Variants in NDUFA9 observed in about 807,000 individuals in gnomAD.
NDUFA9 encodes the protein NADH dehydrogenase [ubiquinone] 1 alpha subcomplex subunit 9, mitochondrial.
Under a neutral mutation model 45.9 loss-of-function variants are expected in NDUFA9, and 23 were observed. The ratio of observed to expected loss-of-function variants is 0.50; its 90% CI spans 0.36 to 0.71. NDUFA9 has a LOEUF of 0.71. NDUFA9 is among the 30% of genes least tolerant of loss of function. The pLI, the probability that NDUFA9 is intolerant of heterozygous loss-of-function variation, is 0.00. For missense variants in NDUFA9, 466 were observed against 488.2 expected, an observed-to-expected ratio of 0.95 and a Z score of 0.43; for synonymous variants, 176 against 170.5, an observed-to-expected ratio of 1.03 and a Z score of -0.25.
At chr12:4,669,907 C>T in intron 8 of NDUFA9, 90 bp downstream of exon 8, 1 of 979,118 alleles carries the variant, frequency 1.0e-6, no homozygotes. Context: ...ATTTGTTGCA[C>T]TTTTACAATA....
chr12:4,668,420 G>A (rs779980094), intron 6 of NDUFA9, 37 bp from the exon 7 acceptor site: 1 of 1,519,604 alleles, frequency 6.6e-7, no homozygotes, highest in Non-Finnish European at 9.1e-7. Context: ...AGCAATTTAA[G>A]CCTTCTCAGT....
intron 8 of NDUFA9, among the ~76,000 whole-genome samples, chr12:4,672,496 G>T (rs1228401381): frequency 6.6e-6 from 1 of 152,206 alleles, no homozygotes; most frequent in Admixed American, 6.5e-5. Flanking sequence ...TGAAATTCTC[G>T]CTCCTAGCTC....
At chr12:4,683,524 C>A (rs1451481977) in intron 9 of NDUFA9, among the ~76,000 whole-genome samples, 1 of 152,196 alleles carries the variant, frequency 6.6e-6, no homozygotes, top group Non-Finnish European at 1.5e-5. Context: ...TATGGTCTAA[C>A]AGGGGTACCA....
intron 2 of NDUFA9, 55 bp from the exon 3 acceptor site, chr12:4,654,770 T>G: frequency 7.6e-7 from 1 of 1,307,838 alleles, no homozygotes; most frequent in Non-Finnish European, 1.1e-6. Flanking sequence ...CACAATTGTA[T>G]AATATATCCA....
At position 4,682,272 on chromosome 12, in the gene NDUFA9, C is replaced by T. The variant is rs1312064827; in HGVS notation, c.868C>T (p.Pro290Ser). Reference sequence around the variant, plus strand: ...TGCTGTGGCTCACAGATTGTTCCTCCCATTCCCCTTGCCGCTTTTTGCCTA... The same window carrying T: ...TGCTGTGGCTCACAGATTGTTCCTCTCATTCCCCTTGCCGCTTTTTGCCTA... Reference protein sequence around the residue: ...IFAVAHRLFLPFPLPLFAYRW... With the variant: ...IFAVAHRLFLSFPLPLFAYRW... The change falls in exon 9 of 11, where the codon CCA (proline) becomes TCA (serine). Residue 290 changes from proline (P) to serine (S), a missense_variant. By Grantham distance (74) the Pro-to-Ser change is moderately conservative. Coordinates refer to ENST00000266544, the MANE Select transcript of NDUFA9 (RefSeq NM_005002.5). The T allele has an allele frequency of 6.2e-7, 1 of 1,613,074 alleles. No homozygotes were observed. Among genetic ancestry groups the T allele is most frequent in the Non-Finnish European group, 8.5e-7 (1 of 1,179,450 alleles).
At chr12:4,649,303 G>C in intron 1 of NDUFA9, 128 bp downstream of exon 1, 1 of 1,091,888 alleles carries the variant, frequency 9.2e-7, no homozygotes, top group Admixed American at 2.1e-5. Flanking sequence ...TCTAGGTTTG[G>C]AGCTGCCTCA....
chr12:4,682,147 T>C, intron 8 of NDUFA9, 58 bp from the exon 9 acceptor site: 1 of 1,291,284 alleles, frequency 7.7e-7, no homozygotes, highest in Non-Finnish European at 1.1e-6. Flanking sequence ...TATTTTGTTA[T>C]AAAGGAAACT....
At chr12:4,664,962 G>A (rs1945844791) in intron 6 of NDUFA9, among the ~76,000 whole-genome samples, 1 of 152,140 alleles carries the variant, frequency 6.6e-6, no homozygotes, top group African/African-American at 2.4e-5. Flanking sequence ...TCTCACGGCT[G>A]TATTTTGGAA....
At chr12:4,676,628 G>T (rs1438272865) in intron 8 of NDUFA9, among the ~76,000 whole-genome samples, 2 of 152,128 alleles carry the variant, frequency 1.3e-5, no homozygotes, top group African/African-American at 2.4e-5. Flanking sequence ...ACCAACCACT[G>T]CTCAAGTAAA....
chr12:4,686,894 C>G, intron 10 of NDUFA9, 44 bp from the exon 11 acceptor site: 1 of 1,586,128 alleles, frequency 6.3e-7, no homozygotes, highest in Non-Finnish European at 8.6e-7. Flanking sequence ...ACTTTGTTCT[C>G]AGCCAGTTTT....
intron 6 of NDUFA9, among the ~76,000 whole-genome samples, chr12:4,663,833 G>C (rs1442639584): frequency 6.6e-6 from 1 of 152,170 alleles, no homozygotes; most frequent in Admixed American, 6.5e-5. Context: ...GGCTAGAAGA[G>C]TTTTGAGGTA....
chr12:4,685,170 G>A (rs979789135), intron 9 of NDUFA9, 89 bp from the exon 10 acceptor site: 10 of 1,108,090 alleles, frequency 9.0e-6, no homozygotes, highest in South Asian at 5.0e-5. Flanking sequence ...GCTCTACAGC[G>A]GTCTGTCTTC....
At chr12:4,649,313 A>T in intron 1 of NDUFA9, 138 bp downstream of exon 1, 1 of 999,608 alleles carries the variant, frequency 1.0e-6, no homozygotes, top group African/African-American at 1.6e-5. Context: ...GAGCTGCCTC[A>T]GTCTGGTTTC....
chr12:4,654,867 A>G lies in NDUFA9; in HGVS notation c.263A>G (p.Lys88Arg). The G allele has an allele frequency of 6.2e-7, 1 of 1,614,074 alleles. No individual in the cohort carries two copies. The highest frequency in any genetic ancestry group is 8.5e-7 in the Non-Finnish European group (1 of 1,179,966). Residue 88 changes from lysine (K) to arginine (R), a missense_variant, in exon 3 of 11, where the codon AAA (lysine) becomes AGA (arginine). By Grantham distance (26) the Lys-to-Arg change is conservative. Coordinates refer to ENST00000266544, the MANE Select transcript of NDUFA9 (RefSeq NM_005002.5). ...GTAATCATACCCTATCGGTGTGATA[A>G]ATATGACATCATGCACCTTCGTCCC... is the stretch of plus-strand genomic sequence containing the variant. ...SQVIIPYRCD[K>R]YDIMHLRPMG...
chr12:4,650,335 A>G (rs965836669), intron 1 of NDUFA9, among the ~76,000 whole-genome samples: 2 of 152,152 alleles, frequency 1.3e-5, no homozygotes, highest in Admixed American at 1.3e-4. Context: ...TTGTAGTCAC[A>G]ATGTCTTTGC....
intron 6 of NDUFA9, among the ~76,000 whole-genome samples, chr12:4,664,532 C>T (rs181540330): frequency 1.3e-5 from 2 of 152,366 alleles, no homozygotes; most frequent in East Asian, 3.9e-4. Flanking sequence ...TCAGTTTAAA[C>T]ACCACATGGC....
intron 7 of NDUFA9, 144 bp downstream of exon 7, chr12:4,668,668 A>C (rs1397371642): frequency 1.4e-6 from 1 of 723,876 alleles, no homozygotes; most frequent in East Asian, 2.6e-5. Context: ...TAGTTTACTT[A>C]AGAGGTACAT....
intron 9 of NDUFA9, chr12:4,684,858 A>G (rs1468221715): frequency 1.1e-5 from 5 of 451,396 alleles, no homozygotes; most frequent in Admixed American, 3.6e-5. Context: ...TACGTTGTAT[A>G]TTTTACACAC....
At chr12:4,673,594 T>C (rs1945900740) in intron 8 of NDUFA9, among the ~76,000 whole-genome samples, 1 of 144,072 alleles carries the variant, frequency 6.9e-6, no homozygotes, top group Non-Finnish European at 1.5e-5. Flanking sequence ...GAAGATTAAC[T>C]CAACGAAATA....
Sources: gnomAD v4.1 joint callset for allele counts (sites outside exome capture counted in the v4.1 genomes callset) on GRCh38, gnomAD v4.1.1 for gene constraint, MANE v1.5 for transcripts, NCBI Gene and HGNC (gene_info 2026-07-23, HGNC 2026-07-21) for gene names.